Variants in FANCA observed in about 807,000 individuals in gnomAD.
The protein encoded by FANCA is FA complementation group A.
FANCA carries 236 observed loss-of-function variants against 194.3 expected under a neutral mutation model. The ratio of observed to expected loss-of-function variants is 1.21; its 90% CI spans 1.09 to 1.35. FANCA has a LOEUF of 1.35. FANCA is among the 40% of genes most tolerant of loss of function. FANCA has a pLI of 0.00. For synonymous variants in FANCA, 1,014 were observed against 715.8 expected, an observed-to-expected ratio of 1.42 and a Z score of -6.65; for missense variants, 2,628 against 1,813.9, an observed-to-expected ratio of 1.45 and a Z score of -8.15.
At chr16:89,769,642 G>C (rs902330411) in intron 26 of FANCA, 195 bp downstream of exon 26, 3 of 655,870 alleles carry the variant, frequency 4.6e-6, no homozygotes, top group South Asian at 1.8e-5. Flanking sequence ...TCATTTTTAT[G>C]AACAAAGAAA....
chr16:89,779,070 A>T, intron 18 of FANCA, 67 bp from the exon 19 acceptor site: 1 of 1,506,680 alleles, frequency 6.6e-7, no homozygotes, highest in Admixed American at 1.7e-5. Flanking sequence ...ACAGACGGTG[A>T]CCGGTGTTTC....
chr16:89,781,477 T>C (rs892368649), intron 17 of FANCA, among the ~76,000 whole-genome samples: 2 of 143,878 alleles, frequency 1.4e-5, no homozygotes, highest in Non-Finnish European at 3.0e-5. Flanking sequence ...ATTGAGACCA[T>C]CCTGGATAAC....
At position 89,742,814 on chromosome 16, in the gene FANCA, A is replaced by C. The variant is rs1473770107; in HGVS notation, c.3751T>G (p.Cys1251Gly). Residue 1251 changes from cysteine (C) to glycine (G), a missense_variant, in exon 37 of 43, where the codon TGC becomes GGC. Physicochemically the swap from Cys to Gly is radical, Grantham distance 159 (BLOSUM62 -3). Coordinates refer to ENST00000389301, the MANE Select transcript of FANCA (RefSeq NM_000135.4). ...NIRKQLKKLD[C>G]EREELLVFLF... Reference sequence around the variant, plus strand: ...TCCTATCTTGCCTCCTCTCTCTCGCAGTCCAGCTTCTTTAGCTGCTTCCTG... The same window carrying C: ...TCCTATCTTGCCTCCTCTCTCTCGCCGTCCAGCTTCTTTAGCTGCTTCCTG... 3 of 1,614,078 alleles carry C rather than the reference A, an allele frequency of 1.9e-6. No individual in the cohort carries two copies. The highest frequency in any genetic ancestry group is 2.5e-6 in the Non-Finnish European group (3 of 1,180,034).
rs949676202 is a variant in FANCA at position 89,792,630 on chromosome 16, C to CG, written c.1007-84dup. 4 of 1,168,314 alleles carry CG rather than the reference C, an allele frequency of 3.4e-6. No individual in the cohort carries two copies. The African/African-American group carries it at 6.1e-5, about 18-fold the overall frequency. 72.4% of individuals were successfully genotyped at this position (1,168,314 alleles called of 1,614,324 possible). Reference sequence around the variant, plus strand: ...TTGTTAAGGACCAGCCCCACAGGGTCGGTGGGTCTCTCCCCGTGTGCGGCG... The same window carrying CG: ...TTGTTAAGGACCAGCCCCACAGGGTCGGGTGGGTCTCTCCCCGTGTGCGGCG... On this transcript the variant is annotated intron_variant, in intron 11 of 42. Coordinates refer to ENST00000389301, the MANE Select transcript of FANCA (RefSeq NM_000135.4).
intron 38 of FANCA, chr16:89,740,425 G>A: frequency 2.1e-6 from 1 of 466,454 alleles, no homozygotes; most frequent in Non-Finnish European, 3.9e-6. Flanking sequence ...GGATCACTGA[G>A]GCCAGTTCAA....
chr16:89,774,226 T>C (rs2039417928), intron 21 of FANCA, among the ~76,000 whole-genome samples: 1 of 152,162 alleles, frequency 6.6e-6, no homozygotes, highest in African/African-American at 2.4e-5. Context: ...CTAGAAATCA[T>C]AGGCTCTAGG....
intron 14 of FANCA, among the ~76,000 whole-genome samples, chr16:89,785,398 A>T (rs2039863237): frequency 6.6e-6 from 1 of 152,210 alleles, no homozygotes; most frequent in Admixed American, 6.5e-5. Context: ...TGTGGGATGA[A>T]GCCACTTCTG....
At position 89,812,662 on chromosome 16, in the gene FANCA, A is replaced by C. The variant is rs1046629046; in HGVS notation, c.284-1591T>G. Among the ~76,000 whole-genome samples the C allele has an allele frequency of 2.7e-5, 4 of 150,910 alleles. No individual in the cohort carries two copies. In the South Asian group the frequency reaches 8.4e-4, roughly 32 times the overall value. On this transcript the variant is annotated intron_variant, in intron 3 of 42. Transcript: ENST00000389301. ...ACTCCGTCTCAAAAAAAAAAAAAAA[A>C]AAAAAAAACTGTTAACTGCAGTACG...
At chr16:89,804,075 A>G (rs1382614725) in intron 7 of FANCA, among the ~76,000 whole-genome samples, 1 of 152,208 alleles carries the variant, frequency 6.6e-6, no homozygotes, top group Non-Finnish European at 1.5e-5. Context: ...TTTTTAAAAA[A>G]TAAGACCAAG....
intron 40 of FANCA, 41 bp from the exon 41 acceptor site, chr16:89,739,330 G>A: frequency 6.2e-7 from 1 of 1,612,322 alleles, no homozygotes. Context: ...ACAGACTGCT[G>A]GAAAGGTAGC....
chr16:89,767,850 G>C (rs978780789), intron 26 of FANCA, among the ~76,000 whole-genome samples: 1 of 152,100 alleles, frequency 6.6e-6, no homozygotes, highest in African/African-American at 2.4e-5. Flanking sequence ...AACCAGTCGA[G>C]TTTTTAATTT....
chr16:89,799,752 A>C (rs7186192), intron 8 of FANCA, 114 bp from the exon 9 acceptor site: 4 of 902,150 alleles, frequency 4.4e-6, no homozygotes, highest in Non-Finnish European at 7.2e-6. Context: ...ACGGCACTTC[A>C]GGAGGCCGAG....
chr16:89,749,999 A>C (rs17233455), intron 31 of FANCA, 97 bp from the exon 32 acceptor site: 4 of 1,274,124 alleles, frequency 3.1e-6, no homozygotes, highest in Admixed American at 1.7e-5. Flanking sequence ...AGGTCTCCAC[A>C]GTGGACAGGG....
At chr16:89,746,174 C>T (rs113548871) in intron 35 of FANCA, among the ~76,000 whole-genome samples, 3,411 of 152,258 alleles carry the variant, frequency 0.022, 65 homozygotes, top group Non-Finnish European at 0.035. Context: ...TCCGAAGTCC[C>T]AAGAAAGCAT....
chr16:89,742,388 A>T (rs970324070), intron 37 of FANCA, among the ~76,000 whole-genome samples: 13 of 55,746 alleles, frequency 2.3e-4, no homozygotes, highest in African/African-American at 1.4e-3. Context: ...AGCCCAGAAG[A>T]GGCTGCAGTG....
intron 3 of FANCA, among the ~76,000 whole-genome samples, chr16:89,813,208 AG>A (rs1277405611): frequency 6.6e-6 from 1 of 151,856 alleles, no homozygotes; most frequent in African/African-American, 2.4e-5. Context: ...TGAGCTCAGG[AG>A]TTTGAGACCA....
intron 15 of FANCA, among the ~76,000 whole-genome samples, chr16:89,783,522 G>A (rs947269587): frequency 2.0e-5 from 3 of 150,698 alleles, no homozygotes; most frequent in Admixed American, 2.0e-4. Context: ...CTGCACTCCA[G>A]CCTGGGTGAC....
intron 21 of FANCA, among the ~76,000 whole-genome samples, chr16:89,774,995 G>A (rs536930812): frequency 6.6e-6 from 1 of 151,962 alleles, no homozygotes; most frequent in South Asian, 2.1e-4. Context: ...TACAGAGGCT[G>A]AGGCAGGAGA....
intron 29 of FANCA, 152 bp downstream of exon 29, chr16:89,761,797 T>C: frequency 1.4e-6 from 1 of 692,684 alleles, no homozygotes; most frequent in African/African-American, 1.8e-5. Context: ...TAATTTCTTT[T>C]CTATTTTTTG....
Sources: gnomAD v4.1 joint callset for allele counts (sites outside exome capture counted in the v4.1 genomes callset) on GRCh38, gnomAD v4.1.1 for gene constraint, MANE v1.5 for transcripts, NCBI Gene and HGNC (gene_info 2026-07-23, HGNC 2026-07-21) for gene names.